The following SGCZ variants were observed in gnomAD, a reference collection of about 807,000 sequenced individuals.
SGCZ encodes the protein zeta-sarcoglycan.
In SGCZ, 40 loss-of-function variants were observed where a neutral mutation model predicts 41.3. The ratio of observed to expected loss-of-function variants is 0.97; its 90% CI spans 0.75 to 1.26. The LOEUF (loss-of-function observed/expected upper bound fraction) is 1.26. SGCZ is among the 50% of genes most tolerant of loss of function. SGCZ has a pLI of 0.00. For missense variants in SGCZ, 552 were observed against 369.8 expected (o/e 1.49, Z -4.04); for synonymous variants, 206 against 137.5 (o/e 1.50, Z -3.49).
At chr8:14,884,671 C>T (rs554580494) in intron 1 of SGCZ, among the ~76,000 whole-genome samples, 2 of 152,094 alleles carry the variant, frequency 1.3e-5, no homozygotes, top group African/African-American at 4.8e-5. Flanking sequence ...ACCAAGAGGG[C>T]ATTCACTTAT....
At chr8:14,125,899 T>A (rs965933224) in intron 5 of SGCZ, among the ~76,000 whole-genome samples, 2 of 152,146 alleles carry the variant, frequency 1.3e-5, no homozygotes, top group African/African-American at 2.4e-5. Context: ...AATAAATGGT[T>A]GGTGCTGGGA....
intron 2 of SGCZ, among the ~76,000 whole-genome samples, chr8:14,529,584 T>C (rs1803061949): frequency 6.6e-6 from 1 of 152,152 alleles, no homozygotes; most frequent in African/African-American, 2.4e-5. Context: ...TAGGAAAGCA[T>C]TTGGGTATGC....
At chr8:14,446,643 T>C (rs1180297592) in intron 2 of SGCZ, among the ~76,000 whole-genome samples, 4 of 152,326 alleles carry the variant, frequency 2.6e-5, no homozygotes, top group South Asian at 2.1e-4. Flanking sequence ...TTGTCATTAA[T>C]TTATATGCAC....
intron 1 of SGCZ, among the ~76,000 whole-genome samples, chr8:15,139,454 C>T (rs1808238255): frequency 6.6e-6 from 1 of 152,040 alleles, no homozygotes; most frequent in African/African-American, 2.4e-5. Context: ...GGTCAATTAC[C>T]TATATTAAAA....
intron 3 of SGCZ, among the ~76,000 whole-genome samples, chr8:14,282,233 G>A (rs1042426845): frequency 2.6e-5 from 4 of 151,948 alleles, no homozygotes; most frequent in Non-Finnish European, 5.9e-5. Context: ...TGATCCGCCT[G>A]TATCCCTCTT....
intron 1 of SGCZ, among the ~76,000 whole-genome samples, chr8:15,090,825 G>A (rs911578654): frequency 6.6e-6 from 1 of 152,108 alleles, no homozygotes; most frequent in Non-Finnish European, 1.5e-5. Context: ...AAGAGTGAAA[G>A]GTTGCCCAGT....
intron 1 of SGCZ, among the ~76,000 whole-genome samples, chr8:14,921,853 C>T (rs937928089): frequency 1.3e-5 from 2 of 151,978 alleles, no homozygotes; most frequent in African/African-American, 4.8e-5. Flanking sequence ...GTGTGAACAA[C>T]TGAAAGACAA....
intron 1 of SGCZ, among the ~76,000 whole-genome samples, chr8:15,017,329 T>C (rs986399003): frequency 2.6e-5 from 4 of 152,154 alleles, no homozygotes; most frequent in Non-Finnish European, 5.9e-5. Flanking sequence ...GACACCTGTA[T>C]TGCAACTGCT....
intron 1 of SGCZ, among the ~76,000 whole-genome samples, chr8:15,101,507 T>C (rs1053085272): frequency 1.3e-5 from 2 of 152,114 alleles, no homozygotes; most frequent in East Asian, 1.9e-4. Context: ...CAGATGTCAC[T>C]AGGAAATTGC....
At chr8:14,913,012 A>C (rs1383089716) in intron 1 of SGCZ, among the ~76,000 whole-genome samples, 6 of 152,032 alleles carry the variant, frequency 3.9e-5, no homozygotes, top group Non-Finnish European at 1.5e-5. Context: ...TATTTTATAA[A>C]AATATCATGA....
chr8:14,207,727 C>G (rs1300418972), intron 4 of SGCZ, among the ~76,000 whole-genome samples: 1 of 152,104 alleles, frequency 6.6e-6, no homozygotes, highest in Admixed American at 6.6e-5. Context: ...TTGAACACCT[C>G]AAGAAGGAAT....
chr8:14,668,374 A>G (rs1363880705), intron 1 of SGCZ, among the ~76,000 whole-genome samples: 1 of 151,906 alleles, frequency 6.6e-6, no homozygotes, highest in Non-Finnish European at 1.5e-5. Context: ...CTGACTTTAT[A>G]CTCCACTTCA....
intron 1 of SGCZ, among the ~76,000 whole-genome samples, chr8:15,045,588 A>C (rs142367754): frequency 5.9e-5 from 9 of 152,198 alleles, no homozygotes; most frequent in East Asian, 5.8e-4. Flanking sequence ...GTTTCAGTTT[A>C]TCTCTTATTA....
chr8:14,755,992 T>C (rs996139919), intron 1 of SGCZ, among the ~76,000 whole-genome samples: 4 of 152,102 alleles, frequency 2.6e-5, no homozygotes, highest in African/African-American at 9.7e-5. Context: ...AATTACCACA[T>C]AAATTATAAG....
chr8:15,202,059 C>T (rs1800908433), intron 1 of SGCZ, among the ~76,000 whole-genome samples: 1 of 151,948 alleles, frequency 6.6e-6, no homozygotes, highest in South Asian at 2.1e-4. Flanking sequence ...TATTGTTGTC[C>T]ACATCAAGAT....
chr8:14,327,274 A>G (rs1802155627), intron 2 of SGCZ, among the ~76,000 whole-genome samples: 3 of 152,346 alleles, frequency 2.0e-5, no homozygotes, highest in Admixed American at 6.5e-5. Flanking sequence ...GTGGAGGTAG[A>G]TTTAAGAAGA....
intron 4 of SGCZ, among the ~76,000 whole-genome samples, chr8:14,173,675 C>T (rs796493324): frequency 6.6e-6 from 1 of 151,936 alleles, no homozygotes; most frequent in Non-Finnish European, 1.5e-5. Context: ...GGAGATTAAA[C>T]TGAACATTAA....
At chr8:14,775,393 T>C (rs903513675) in intron 1 of SGCZ, among the ~76,000 whole-genome samples, 3 of 151,974 alleles carry the variant, frequency 2.0e-5, no homozygotes, top group African/African-American at 4.8e-5. Flanking sequence ...CAAAGAATCA[T>C]TCACTTACCT....
In SGCZ at chr8:15,037,592, C is replaced by A. The variant is rs556268970; in HGVS notation, c.39+199993G>T. On this transcript the variant is annotated intron_variant, in intron 1 of 7. Transcript: ENST00000382080. ...GAGAGAATGTCCACTCTCACCACTT[C>A]TATTTAACATATTACTGAAAGTACT... is the stretch of plus-strand genomic sequence containing the variant. Among the ~76,000 whole-genome samples, 15 of 152,262 alleles carry A rather than the reference C, an allele frequency of 9.9e-5. No individual in the cohort carries two copies. The South Asian group carries it at 3.1e-3, about 32-fold the overall frequency.
Sources: allele counts gnomAD v4.1 joint callset (sites outside exome capture counted in the v4.1 genomes callset), GRCh38; gene constraint gnomAD v4.1.1; transcripts MANE v1.5; gene names NCBI Gene and HGNC (gene_info 2026-07-23, HGNC 2026-07-21).